Variants in HEMK2 observed in about 807,000 individuals in gnomAD.
HEMK2 encodes the protein HemK methyltransferase 2, ETF1 glutamine and histone H4 lysine.
the HEMK2 span, among the ~76,000 whole-genome samples, chr21:28,840,848 GTATC>G: frequency 6.7e-6 from 1 of 150,070 alleles, no homozygotes; most frequent in South Asian, 2.1e-4. Flanking sequence ...CCACTACTGA[GTATC>G]TACCCAGAGG....
the HEMK2 span, among the ~76,000 whole-genome samples, chr21:28,594,223 C>A: frequency 6.6e-6 from 1 of 152,038 alleles, no homozygotes; most frequent in Non-Finnish European, 1.5e-5. Context: ...ACTATCCTAG[C>A]CAAGAGAAGA....
chr21:28,819,829 T>C, the HEMK2 span, among the ~76,000 whole-genome samples: 32 of 152,162 alleles, frequency 2.1e-4, no homozygotes, highest in Non-Finnish European at 3.5e-4. Flanking sequence ...ATTACAGGCA[T>C]GAGCCACTGC....
the HEMK2 span, chr21:28,873,736 C>T: frequency 2.6e-5 from 4 of 152,362 alleles, no homozygotes; most frequent in East Asian, 7.7e-4. Context: ...AGCACTGTAA[C>T]TCATTTGTCT....
the HEMK2 span, among the ~76,000 whole-genome samples, chr21:28,653,426 T>A: frequency 6.6e-6 from 1 of 152,156 alleles, no homozygotes; most frequent in Admixed American, 6.6e-5. Flanking sequence ...CTGGTCCAGC[T>A]CCTTGTTCCC....
the HEMK2 span, chr21:28,626,664 C>G: frequency 6.6e-6 from 1 of 152,026 alleles, no homozygotes; most frequent in African/African-American, 2.4e-5. Context: ...AGCAACACAT[C>G]CAGGCCCCAT....
chr21:28,838,975 AT>A, the HEMK2 span, among the ~76,000 whole-genome samples: 61 of 30,702 alleles, frequency 2.0e-3, no homozygotes, highest in African/African-American at 4.2e-3. Context: ...AAAAAAAAAT[AT>A]ATATATATAT....
chr21:28,794,042 AG>A, the HEMK2 span, among the ~76,000 whole-genome samples: 1 of 152,244 alleles, frequency 6.6e-6, no homozygotes, highest in South Asian at 2.1e-4. Context: ...AATTTGTTAC[AG>A]CAGACTTAAG....
chr21:28,739,310 G>T, the HEMK2 span, among the ~76,000 whole-genome samples: 1 of 152,102 alleles, frequency 6.6e-6, no homozygotes, highest in East Asian at 1.9e-4. Context: ...TGGCCATTCA[G>T]TTATTATAGT....
the HEMK2 span, among the ~76,000 whole-genome samples, chr21:28,620,818 C>T: frequency 6.6e-6 from 1 of 151,592 alleles, no homozygotes; most frequent in Non-Finnish European, 1.5e-5. Context: ...GGACTACAGG[C>T]ACATGCCACC....
the HEMK2 span, among the ~76,000 whole-genome samples, chr21:28,639,704 C>T: frequency 6.6e-6 from 1 of 152,226 alleles, no homozygotes; most frequent in Non-Finnish European, 1.5e-5. Context: ...GTCTTTTCCA[C>T]ATTCCATTGC....
At chr21:28,636,957 C>G in the HEMK2 span, among the ~76,000 whole-genome samples, 109 of 152,256 alleles carry the variant, frequency 7.2e-4, no homozygotes, top group Non-Finnish European at 1.0e-3. Context: ...ACAGACAAAC[C>G]TGAAATCTTA....
At chr21:28,750,550 A>C in the HEMK2 span, among the ~76,000 whole-genome samples, 40 of 152,016 alleles carry the variant, frequency 2.6e-4, no homozygotes, top group African/African-American at 9.7e-4. Context: ...AAAATATAAA[A>C]ACTAGCTGGA....
the HEMK2 span, among the ~76,000 whole-genome samples, chr21:28,767,390 G>A: frequency 6.6e-6 from 1 of 150,630 alleles, no homozygotes. Context: ...AAAAATTTAA[G>A]AGCTATGATT....
At chr21:28,753,698 G>A in the HEMK2 span, among the ~76,000 whole-genome samples, 2 of 152,296 alleles carry the variant, frequency 1.3e-5, no homozygotes, top group East Asian at 3.9e-4. Flanking sequence ...ACAGTAATGT[G>A]AAAAGAAACA....
the HEMK2 span, among the ~76,000 whole-genome samples, chr21:28,689,810 TAGA>T: frequency 6.6e-6 from 1 of 152,060 alleles, no homozygotes; most frequent in Non-Finnish European, 1.5e-5. Flanking sequence ...AGAGTTGCAA[TAGA>T]AGGAGAACTC....
At chr21:28,653,040 A>G in the HEMK2 span, among the ~76,000 whole-genome samples, 227 of 152,186 alleles carry the variant, frequency 1.5e-3, 1 homozygote, top group African/African-American at 5.4e-3. Context: ...ATTTGCATGT[A>G]ATTGAAAGTG....
At chr21:28,852,695 C>G in the HEMK2 span, among the ~76,000 whole-genome samples, 1 of 152,322 alleles carries the variant, frequency 6.6e-6, no homozygotes, top group East Asian at 1.9e-4. Context: ...GGTTCAAGTA[C>G]TGAAATTGAT....
the HEMK2 span, among the ~76,000 whole-genome samples, chr21:28,799,207 G>T: frequency 6.6e-6 from 1 of 152,358 alleles, no homozygotes. Context: ...TGGACTCACA[G>T]TTCCACGTGG....
chr21:28,825,770 C>T, the HEMK2 span, among the ~76,000 whole-genome samples: 1 of 152,226 alleles, frequency 6.6e-6, no homozygotes, highest in African/African-American at 2.4e-5. Context: ...GGGTGACCAA[C>T]TATTCTAGTT....
Sources: gnomAD v4.1 joint callset for allele counts (sites outside exome capture counted in the v4.1 genomes callset) on GRCh38, gnomAD v4.1.1 for gene constraint, MANE v1.5 for transcripts, NCBI Gene and HGNC (gene_info 2026-07-23, HGNC 2026-07-21) for gene names.